CWF19L1: variants seen among roughly 807,000 people sequenced by gnomAD.
CWF19L1 encodes the protein CWF19-like protein 1.
CWF19L1 carries 60 observed loss-of-function variants against 69.7 expected under a neutral mutation model. The ratio of observed to expected loss-of-function variants is 0.86; its 90% CI spans 0.70 to 1.07. The LOEUF (loss-of-function observed/expected upper bound fraction) is 1.07, where lower values mean the gene tolerates loss of function less well. CWF19L1 is among the 50% of genes least tolerant of loss of function. The pLI is 0.00. For synonymous variants in CWF19L1, 209 were observed against 222.2 expected, an observed-to-expected ratio of 0.94 and a Z score of 0.53; for missense variants, 591 against 638.9, an observed-to-expected ratio of 0.92 and a Z score of 0.81.
chr10:100,266,682 A>ATTT (rs35028554), intron 1 of CWF19L1, among the ~76,000 whole-genome samples: 3 of 135,066 alleles, frequency 2.2e-5, no homozygotes, highest in African/African-American at 8.5e-5. Flanking sequence ...CGCCTGGCTA[A>ATTT]TTTTTTTTTT....
At chr10:100,258,388 C>T (rs964782106) in intron 4 of CWF19L1, among the ~76,000 whole-genome samples, 1 of 152,194 alleles carries the variant, frequency 6.6e-6, no homozygotes, top group East Asian at 1.9e-4. Flanking sequence ...AACCCAAGTA[C>T]CTTAGCTGCT....
At chr10:100,244,671 T>C (rs1353243071) in intron 9 of CWF19L1, among the ~76,000 whole-genome samples, 1 of 151,168 alleles carries the variant, frequency 6.6e-6, no homozygotes, top group African/African-American at 2.4e-5. Context: ...TTTATTTTTT[T>C]GAGACAGGGC....
At chr10:100,245,731 C>G in intron 9 of CWF19L1, 68 bp downstream of exon 9, 1 of 1,219,692 alleles carries the variant, frequency 8.2e-7, no homozygotes, top group Non-Finnish European at 1.2e-6. Flanking sequence ...AGCAATGCTG[C>G]TTTCCAAAGA....
chr10:100,238,117 TCTC>T lies in CWF19L1; in HGVS notation c.1156_1158del (p.Glu386del). ...AACCGTCTCAGAGTGGCCTTATACT[TCTC>T]CACCTCTTCTACCACCTCTGCTGAA... On this transcript the variant is annotated inframe_deletion, in exon 11 of 14. Transcript: ENST00000354105. The T allele has an allele frequency of 6.2e-7, 1 of 1,614,082 alleles. No homozygotes were observed. The highest frequency in any genetic ancestry group is 8.5e-7 in the Non-Finnish European group (1 of 1,180,026).
At position 100,262,470 on chromosome 10, in the gene CWF19L1, T is replaced by C; in HGVS notation, c.24-407A>G. 6.1e-6 allele frequency: 6 copies of C among 985,362 alleles called. No homozygotes were observed. The South Asian group carries it at 2.8e-4, about 46-fold the overall frequency. The allele number at this position is 985,362 out of a possible 1,614,324, so 61.0% of individuals were successfully genotyped here. A position where few individuals can be genotyped will look rare whatever the true frequency, so the allele number is the denominator to read the frequency against. ...CTATCTTAGTACGACTCCTCCTATC[T>C]TAGTACAGGGCTTCAGTCATTCATT... On this transcript the variant is annotated intron_variant, in intron 1 of 13. Coordinates refer to ENST00000354105, the MANE Select transcript of CWF19L1 (RefSeq NM_018294.6).
chr10:100,233,148 A>G lies in CWF19L1; in HGVS notation c.*79T>C. The G allele has an allele frequency of 7.3e-7, 1 of 1,368,104 alleles. No homozygotes were observed. Among genetic ancestry groups the G allele is most frequent in the East Asian group, 2.5e-5 (1 of 40,432 alleles). The allele number at this position is 1,368,104 out of a possible 1,614,324, so 84.7% of individuals were successfully genotyped here. On this transcript the variant is annotated 3_prime_UTR_variant, in exon 14 of 14. Coordinates refer to ENST00000354105, the MANE Select transcript of CWF19L1 (RefSeq NM_018294.6). ...GGGTGACAGAGCGAGACTTTGTCTC[A>G]AAAAAAATTCTTTTAATTAAAAAAA...
rs756089213 is a variant in CWF19L1 at position 100,262,018 on chromosome 10, A to G, written c.69T>C (p.Asn23=). Residue 23 remains asparagine (N), a synonymous_variant, in exon 2 of 14, where the codon AAT becomes AAC. Transcript: ENST00000354105. ...TTTTCTTCTGAATTGCTTGAACTCT[A>G]TTGAATAAAATATCAAACTTTCCTT... ...DVEGKFDILF[N]RVQAIQKKSG... 1.1e-5 allele frequency: 17 copies of G among 1,611,104 alleles called. No homozygotes were observed. Among genetic ancestry groups the G allele is most frequent in the South Asian group, 5.6e-5 (5 of 90,040 alleles).
chr10:100,245,688 G>A, intron 9 of CWF19L1, 111 bp downstream of exon 9: 1 of 769,128 alleles, frequency 1.3e-6, no homozygotes, highest in Non-Finnish European at 2.2e-6. Flanking sequence ...ATGACTCATT[G>A]CACAATTCTC....
intron 13 of CWF19L1, among the ~76,000 whole-genome samples, 182 bp downstream of exon 13, chr10:100,235,485 C>G (rs1405285613): frequency 6.6e-6 from 1 of 152,192 alleles, no homozygotes; most frequent in Non-Finnish European, 1.5e-5. Context: ...AAAACTCTGT[C>G]ATGGTACTCT....
chr10:100,262,182 T>C (rs1589634534), intron 1 of CWF19L1, 119 bp from the exon 2 acceptor site: 3 of 1,416,926 alleles, frequency 2.1e-6, no homozygotes. Flanking sequence ...GCAGTTACCT[T>C]GCAAGGTTCA....
chr10:100,247,211 G>C (rs935004162), intron 7 of CWF19L1, among the ~76,000 whole-genome samples: 22 of 152,200 alleles, frequency 1.4e-4, no homozygotes, highest in South Asian at 4.1e-4. Flanking sequence ...TAATGGAATA[G>C]TGACAACTGT....
chr10:100,245,878 A>C lies in CWF19L1; in HGVS notation c.885T>G (p.Asn295Lys). 6.2e-7 allele frequency: 1 copy of C among 1,614,162 alleles called. No homozygotes were observed. The highest frequency in any genetic ancestry group is 8.5e-7 in the Non-Finnish European group (1 of 1,180,006). Reference sequence around the variant, plus strand: ...ATGAACGCTTCCTTCCCTGCTTTTCATTTAAATCAAAGAAAAACTGACAGG... The same window carrying C: ...ATGAACGCTTCCTTCCCTGCTTTTCCTTTAAATCAAAGAAAAACTGACAGG... Reference protein sequence around the residue: ...ESACQFFFDLNEKQGRKRSST... With the variant: ...ESACQFFFDLKEKQGRKRSST... Residue 295 changes from asparagine to lysine, a missense_variant, in exon 9 of 14, where the codon AAT (asparagine) becomes AAG (lysine). Around this residue, in one of 3 missense-constraint regions of CWF19L1, gnomAD observed 458 missense variants for 489.3 expected, o/e 0.94. Transcript: ENST00000354105.
chr10:100,257,317 T>C lies in CWF19L1; in HGVS notation c.290-841A>G, dbSNP rs188441284. Among the ~76,000 whole-genome samples, 938 of 139,140 alleles carry C rather than the reference T, an allele frequency of 6.7e-3. 12 individuals carry two copies. Among genetic ancestry groups the C allele is most frequent in the African/African-American group, 0.024 (870 of 36,286 alleles). The allele number at this position is 139,140 out of a possible 152,430, so 91.3% of individuals were successfully genotyped here. On this transcript the variant is annotated intron_variant, in intron 4 of 13. Transcript: ENST00000354105. ...TTTTTTTTTTTTTTTTTTTTTGAGA[T>C]GGAGTCTCGCTCTGTTGCCAGGCTG...
At chr10:100,241,318 A>G (rs758289677) in intron 10 of CWF19L1, among the ~76,000 whole-genome samples, 46 of 152,124 alleles carry the variant, frequency 3.0e-4, no homozygotes, top group Non-Finnish European at 5.1e-4. Context: ...CCCGGCCAAG[A>G]CATTTTTTAA....
At chr10:100,243,854 G>A (rs1173020473) in intron 9 of CWF19L1, 77 bp from the exon 10 acceptor site, 26 of 1,219,492 alleles carry the variant, frequency 2.1e-5, no homozygotes, top group Non-Finnish European at 3.0e-5. Flanking sequence ...ACTCAGCTTT[G>A]TCTGATTTTT....
Position 100,233,263 on chromosome 10 carries a change from T to C in CWF19L1, c.1581A>G (p.Lys527=). The part of the protein sequence containing the change: ...DEETLARRFR[K]DFEPYDFTLD... ...GAGTAAAGTCATAGGGCTCAAAGTCTTTCCGGAAGCGGCGAGCCAGGGTCT... is the reference window on the plus strand; with the variant it reads ...GAGTAAAGTCATAGGGCTCAAAGTCCTTCCGGAAGCGGCGAGCCAGGGTCT... Residue 527 remains lysine (K), a synonymous_variant, in exon 14 of 14, where the codon AAA becomes AAG. Transcript: ENST00000354105. 1 of 1,613,900 alleles carries C rather than the reference T, an allele frequency of 6.2e-7. No individual in the cohort carries two copies. Among genetic ancestry groups the C allele is most frequent in the South Asian group, 1.1e-5 (1 of 91,024 alleles).
rs747520494 is a variant in CWF19L1 at position 100,243,693 on chromosome 10, C to T, written c.1044+5G>A. On this transcript the variant is annotated splice_donor_5th_base_variant and intron_variant, in intron 10 of 13. Coordinates refer to ENST00000354105, the MANE Select transcript of CWF19L1 (RefSeq NM_018294.6). ...TTCTCTATAAAGTCCAAGGAAGTAA[C>T]TCACATGTGTGCCGATGTTGACCAC... 8.7e-6 allele frequency: 14 copies of T among 1,613,586 alleles called. No individual in the cohort carries two copies. In the South Asian group the frequency reaches 1.2e-4, roughly 14 times the overall value.
chr10:100,258,822 G>C (rs1030347670), intron 4 of CWF19L1: 1 of 150,892 alleles, frequency 6.6e-6, no homozygotes, highest in Non-Finnish European at 1.5e-5. Flanking sequence ...GGAGAGAGAG[G>C]ACATTTACAG....
At chr10:100,248,616 G>A (rs987010736) in intron 7 of CWF19L1, 2 of 748,134 alleles carry the variant, frequency 2.7e-6, no homozygotes, top group Middle Eastern at 6.1e-4. Context: ...GTGTGCTGCT[G>A]TCCATCACTA....
Sources: allele counts gnomAD v4.1 joint callset (sites outside exome capture counted in the v4.1 genomes callset), GRCh38; gene constraint gnomAD v4.1.1; regional missense constraint gnomAD v4.1.1; transcripts MANE v1.5; gene names NCBI Gene and HGNC (gene_info 2026-07-23, HGNC 2026-07-21).